Variants in PEAK1 observed in about 807,000 individuals in gnomAD.
The protein encoded by PEAK1 is pseudopodium enriched atypical kinase 1.
In PEAK1, 54 loss-of-function variants were observed where a neutral mutation model predicts 124.7. The observed-to-expected ratio is 0.43, with a 90% confidence interval of 0.35 to 0.54. The LOEUF (loss-of-function observed/expected upper bound fraction) is 0.54. Among genes scored for constraint, PEAK1 ranks in the 20% least tolerant of loss-of-function variants. The pLI is 0.01. For synonymous variants in PEAK1, 719 were observed against 760.0 expected (o/e 0.95, Z 0.89); for missense variants, 2,046 against 2,134.5 (o/e 0.96, Z 0.82).
At chr15:77,419,154 T>C in intron 1 of PEAK1, 1 of 985,340 alleles carries the variant, frequency 1.0e-6, no homozygotes, top group Non-Finnish European at 1.2e-6. Flanking sequence ...CTTGGATCTT[T>C]AAAAAACAAC....
At chr15:77,221,327 A>G (rs1399388223) in intron 6 of PEAK1, among the ~76,000 whole-genome samples, 1 of 152,106 alleles carries the variant, frequency 6.6e-6, no homozygotes, top group East Asian at 1.9e-4. Flanking sequence ...AAGTAAGACT[A>G]TGGATGTCCT....
At chr15:77,201,103 A>G (rs1452267826) in intron 6 of PEAK1, among the ~76,000 whole-genome samples, 2 of 152,078 alleles carry the variant, frequency 1.3e-5, no homozygotes, top group African/African-American at 2.4e-5. Flanking sequence ...AGTTCAAGCA[A>G]CTCAAGACTA....
Position 77,162,682 on chromosome 15 carries a change from C to A in PEAK1, c.3138-3986G>T, listed in dbSNP as rs187169196. ...TGGAGAAAACAATAAAATGGGAATTCGAACCTGGGTACTGTTTCTCTATTG... is the reference window on the plus strand; with the variant it reads ...TGGAGAAAACAATAAAATGGGAATTAGAACCTGGGTACTGTTTCTCTATTG... On this transcript the variant is annotated intron_variant, in intron 7 of 9. Transcript: ENST00000682557. Among the ~76,000 whole-genome samples the A allele has an allele frequency of 9.2e-5, 14 of 152,078 alleles. No individual in the cohort carries two copies. In the East Asian group the frequency reaches 2.7e-3, roughly 29 times the overall value.
chr15:77,395,998 A>G (rs1035339386), intron 1 of PEAK1, among the ~76,000 whole-genome samples: 4 of 152,220 alleles, frequency 2.6e-5, no homozygotes, highest in African/African-American at 9.6e-5. Flanking sequence ...ATCAAAAATA[A>G]TAACTATAAC....
chr15:77,275,288 C>A (rs2062251103), intron 5 of PEAK1, among the ~76,000 whole-genome samples: 1 of 152,236 alleles, frequency 6.6e-6, no homozygotes, highest in African/African-American at 2.4e-5. Flanking sequence ...TAACCAAACA[C>A]CACCTGTTCC....
intron 2 of PEAK1, among the ~76,000 whole-genome samples, chr15:77,327,211 T>A (rs894435905): frequency 2.0e-5 from 3 of 152,150 alleles, no homozygotes; most frequent in Admixed American, 2.0e-4. Context: ...ATTGTCAACA[T>A]GATGGTAATT....
intron 2 of PEAK1, among the ~76,000 whole-genome samples, chr15:77,354,642 T>C (rs945698079): frequency 1.1e-4 from 16 of 152,228 alleles, no homozygotes; most frequent in African/African-American, 3.9e-4. Context: ...ACAGGACTTA[T>C]ACTCATGGTG....
intron 5 of PEAK1, among the ~76,000 whole-genome samples, chr15:77,263,541 C>T (rs1005436654): frequency 8.5e-5 from 13 of 152,206 alleles, no homozygotes; most frequent in African/African-American, 3.1e-4. Flanking sequence ...TACACCCTCC[C>T]AAGACTAAAC....
chr15:77,149,587 T>C (rs780640700), intron 8 of PEAK1, among the ~76,000 whole-genome samples: 8 of 152,202 alleles, frequency 5.3e-5, no homozygotes, highest in Non-Finnish European at 1.0e-4. Flanking sequence ...ACTTGTTTCA[T>C]TAGGAAAAAT....
chr15:77,402,707 A>G, intron 1 of PEAK1: 1 of 985,318 alleles, frequency 1.0e-6, no homozygotes, highest in Non-Finnish European at 1.2e-6. Flanking sequence ...ATAATATTCA[A>G]CTGCTTTCTA....
At chr15:77,408,014 TACACATATATAC>T (rs759407792) in intron 1 of PEAK1, among the ~76,000 whole-genome samples, 11 of 150,922 alleles carry the variant, frequency 7.3e-5, no homozygotes, top group South Asian at 2.1e-4. Context: ...CGTACACATA[TACACATATATAC>T]ACACATATAT....
chr15:77,324,013 G>A (rs1190780808), intron 2 of PEAK1, among the ~76,000 whole-genome samples: 4 of 152,100 alleles, frequency 2.6e-5, no homozygotes, highest in Non-Finnish European at 5.9e-5. Context: ...TGATAAACCT[G>A]ACAAAAACAA....
chr15:77,156,018 T>A (rs1317929411), intron 8 of PEAK1: 1 of 152,402 alleles, frequency 6.6e-6, no homozygotes, highest in Non-Finnish European at 1.5e-5. Flanking sequence ...ACCACTACTC[T>A]CCTCAAAGCT....
chr15:77,330,372 T>C (rs1489208467), intron 2 of PEAK1, among the ~76,000 whole-genome samples: 1 of 152,172 alleles, frequency 6.6e-6, no homozygotes, highest in African/African-American at 2.4e-5. Flanking sequence ...CTCTCCAATC[T>C]ATTCTACACC....
intron 2 of PEAK1, among the ~76,000 whole-genome samples, chr15:77,317,188 G>C (rs1376506485): frequency 6.6e-6 from 1 of 152,062 alleles, no homozygotes; most frequent in Non-Finnish European, 1.5e-5. Context: ...ATACAACAAA[G>C]AGTTCAAAAT....
In PEAK1 at chr15:77,133,280, T is replaced by C; in HGVS notation, c.3802A>G (p.Ile1268Val). The C allele has an allele frequency of 6.2e-7, 1 of 1,614,260 alleles. No homozygotes were observed. Among genetic ancestry groups the C allele is most frequent in the Non-Finnish European group, 8.5e-7 (1 of 1,180,044 alleles). ...AGTGCTTGTCTCTGCGGCTTCTGGA[T>C]GCCTCGGCCCTGTCTGCAAGAGGGC... ...RGPSCRQGRG[I>V]QKPQRQALYR... is the part of the protein sequence containing the mutation. The change falls in exon 9 of 10, where the codon ATC (isoleucine) becomes GTC (valine). Residue 1268 changes from isoleucine (I) to valine (V), a missense_variant. Transcript: ENST00000682557. The surrounding 1 kb of genome is among the most constrained non-coding windows in gnomAD (Gnocchi z 4.2).
intron 2 of PEAK1, among the ~76,000 whole-genome samples, chr15:77,289,709 G>A (rs2063115584): frequency 6.6e-6 from 1 of 152,056 alleles, no homozygotes; most frequent in South Asian, 2.1e-4. Flanking sequence ...GGTGGCACAA[G>A]CCTGTAATCC....
In PEAK1 at chr15:77,114,614, T is replaced by C. The variant is rs202055725; in HGVS notation, c.4783A>G (p.Thr1595Ala). ...AGCATCTCATAGATGAGGATGCCTG[T>C]CTGGAACTCATCACACTTTTTATAC... ...TQYKKCDEFQ[T>A]GILIYEMLHL... The change falls in exon 10 of 10, where the codon ACA becomes GCA. Residue 1595 changes from threonine (T) to alanine (A), a missense_variant. Transcript: ENST00000682557. The C allele has an allele frequency of 9.2e-5, 149 of 1,613,988 alleles. No homozygotes were observed. The highest frequency in any genetic ancestry group is 1.8e-5 in the Non-Finnish European group (21 of 1,179,996).
chr15:77,295,472 T>C (rs2063437521), intron 2 of PEAK1, among the ~76,000 whole-genome samples: 1 of 152,106 alleles, frequency 6.6e-6, no homozygotes, highest in African/African-American at 2.4e-5. Context: ...TTAAATTAAC[T>C]CTCACTTCTC....
Sources: gnomAD v4.1 joint callset for allele counts (sites outside exome capture counted in the v4.1 genomes callset) on GRCh38, gnomAD v4.1.1 for gene constraint, Gnocchi (gnomAD v3.1) non-coding constraint, MANE v1.5 for transcripts, NCBI Gene and HGNC (gene_info 2026-07-23, HGNC 2026-07-21) for gene names.